RCAN1: variants seen among roughly 807,000 people sequenced by gnomAD.
The protein encoded by RCAN1 is regulator of calcineurin 1.
RCAN1 carries 11 observed loss-of-function variants against 22.9 expected under a neutral mutation model. That is an observed-to-expected ratio of 0.48 (90% CI 0.30 to 0.79). The LOEUF (loss-of-function observed/expected upper bound fraction) is 0.79, where lower values mean the gene tolerates loss of function less well. Among genes scored for constraint, RCAN1 ranks in the 30% least tolerant of loss-of-function variants. The pLI, the probability that RCAN1 is intolerant of heterozygous loss-of-function variation, is 0.06. For missense variants in RCAN1, 291 were observed against 337.8 expected (o/e 0.86, Z 1.09); for synonymous variants, 136 against 142.3 (o/e 0.96, Z 0.32).
chr21:34,526,821 C>CT lies in RCAN1; in HGVS notation c.253-3112dup. The CT allele has an allele frequency of 1.9e-6, 3 of 1,541,830 alleles. No homozygotes were observed. The South Asian group carries it at 3.7e-5, about 19-fold the overall frequency. On this transcript the variant is annotated intron_variant, in intron 1 of 3. Transcript: ENST00000313806. The stretch of plus-strand genomic sequence containing the variant: ...CCTAGTGAGATTCCTTTCCAAGAGG[C>CT]TGTAGGTTCCTTCTTGAGCTGGTGC...
Position 34,602,587 on chromosome 21 carries a change from C to T in RCAN1, c.252+12173G>A, listed in dbSNP as rs926080886. On this transcript the variant is annotated intron_variant, in intron 1 of 3. Coordinates refer to ENST00000313806, the MANE Select transcript of RCAN1 (RefSeq NM_004414.7). ...GATTGCGGACCAGACCACCTGAGATCTACAGGTTGGGATGCATGTGAGGGA... is the reference window on the plus strand; with the variant it reads ...GATTGCGGACCAGACCACCTGAGATTTACAGGTTGGGATGCATGTGAGGGA... Among the ~76,000 whole-genome samples the T allele has an allele frequency of 2.6e-5, 4 of 152,176 alleles. No homozygotes were observed. The East Asian group carries it at 7.7e-4, about 29-fold the overall frequency.
chr21:34,607,412 CAG>C (rs1306562861), intron 1 of RCAN1, among the ~76,000 whole-genome samples: 1 of 150,516 alleles, frequency 6.6e-6, no homozygotes, highest in Non-Finnish European at 1.5e-5. Flanking sequence ...TTTTTTGAGA[CAG>C]AGTCTTGCTC....
At chr21:34,574,359 A>G (rs1382371255) in intron 1 of RCAN1, among the ~76,000 whole-genome samples, 1 of 152,240 alleles carries the variant, frequency 6.6e-6, no homozygotes. Context: ...TATTTTCAAG[A>G]AATCAGACAA....
intron 2 of RCAN1, 116 bp from the exon 3 acceptor site, chr21:34,521,774 G>T: frequency 1.2e-6 from 1 of 824,666 alleles, no homozygotes; most frequent in Non-Finnish European, 1.9e-6. Context: ...CGTCAGGACA[G>T]GTGTGATTCC....
At chr21:34,563,770 A>ATAT (rs1491234478) in intron 1 of RCAN1, among the ~76,000 whole-genome samples, 134 of 65,342 alleles carry the variant, frequency 2.1e-3, no homozygotes, top group Non-Finnish European at 2.4e-3. Context: ...AAAAAAAAAA[A>ATAT]ATATATATAT....
At chr21:34,533,959 G>A (rs947059014) in intron 1 of RCAN1, among the ~76,000 whole-genome samples, 1 of 152,200 alleles carries the variant, frequency 6.6e-6, no homozygotes, top group Admixed American at 6.5e-5. Context: ...TGCGGAGGAG[G>A]GTCATGGAGA....
intron 1 of RCAN1, among the ~76,000 whole-genome samples, chr21:34,543,385 T>G (rs944157259): frequency 3.9e-5 from 6 of 152,088 alleles, no homozygotes; most frequent in Non-Finnish European, 8.8e-5. Flanking sequence ...TCGAGTGATA[T>G]GGGGCCATGA....
chr21:34,566,840 G>C (rs1987025720), intron 1 of RCAN1, among the ~76,000 whole-genome samples: 1 of 152,184 alleles, frequency 6.6e-6, no homozygotes, highest in African/African-American at 2.4e-5. Flanking sequence ...AAGAGCGAGA[G>C]AGGAGGAGGT....
intron 1 of RCAN1, among the ~76,000 whole-genome samples, chr21:34,602,104 T>A (rs965532162): frequency 8.5e-5 from 13 of 152,154 alleles, no homozygotes; most frequent in Non-Finnish European, 1.6e-4. Context: ...ATTTTCTGAG[T>A]ATCTCCTGTC....
intron 1 of RCAN1, among the ~76,000 whole-genome samples, chr21:34,576,407 C>T (rs1364483170): frequency 6.6e-6 from 1 of 152,146 alleles, no homozygotes; most frequent in Non-Finnish European, 1.5e-5. Flanking sequence ...GAACCCAGGA[C>T]AAGAGAAAAA....
At chr21:34,579,693 T>A (rs1050304769) in intron 1 of RCAN1, among the ~76,000 whole-genome samples, 3 of 152,196 alleles carry the variant, frequency 2.0e-5, no homozygotes, top group Non-Finnish European at 4.4e-5. Context: ...GAATCACTCT[T>A]AGGCTTTATA....
At chr21:34,601,605 T>G (rs1353812158) in intron 1 of RCAN1, among the ~76,000 whole-genome samples, 3 of 152,014 alleles carry the variant, frequency 2.0e-5, no homozygotes, top group Admixed American at 6.6e-5. Context: ...GATCACGAGG[T>G]CAGGAGATCG....
intron 1 of RCAN1, among the ~76,000 whole-genome samples, chr21:34,566,146 C>T (rs143552004): frequency 5.4e-4 from 82 of 152,256 alleles, no homozygotes; most frequent in East Asian, 4.2e-3. Flanking sequence ...CCTTTTCCTG[C>T]GAGTAGGTAG....
chr21:34,558,898 C>T (rs1017696593), intron 1 of RCAN1, among the ~76,000 whole-genome samples: 20 of 152,196 alleles, frequency 1.3e-4, no homozygotes, highest in African/African-American at 4.8e-4. Flanking sequence ...CCGGAAAGAA[C>T]ACAATCATGG....
At chr21:34,592,817 C>T (rs1454464957) in intron 1 of RCAN1, among the ~76,000 whole-genome samples, 6 of 152,156 alleles carry the variant, frequency 3.9e-5, no homozygotes, top group African/African-American at 1.4e-4. Context: ...TCGTGATTAA[C>T]TCAGAGATAT....
chr21:34,567,784 G>A (rs968815608), intron 1 of RCAN1, among the ~76,000 whole-genome samples: 2 of 152,142 alleles, frequency 1.3e-5, no homozygotes, highest in African/African-American at 2.4e-5. Flanking sequence ...CCCACTTGTC[G>A]CTGCTGTTGA....
At position 34,614,563 on chromosome 21, in the gene RCAN1, G is replaced by T; in HGVS notation, c.252+197C>A. 1.0e-6 allele frequency: 1 copy of T among 990,050 alleles called. No individual in the cohort carries two copies. The highest frequency in any genetic ancestry group is 1.2e-6 in the Non-Finnish European group (1 of 807,988). The allele number at this position is 990,050 out of a possible 1,614,324, so 61.3% of individuals were successfully genotyped here. A position where few individuals can be genotyped will look rare whatever the true frequency, so the allele number is the denominator to read the frequency against. On this transcript the variant is annotated intron_variant, in intron 1 of 3. Coordinates refer to ENST00000313806, the MANE Select transcript of RCAN1 (RefSeq NM_004414.7). This position sits in a 1 kb window ranked among gnomAD's most constrained non-coding sequence, Gnocchi z 6.0. ...CTGCAGTGAGCTCCGCGCGCCCCGG[G>T]GGTGCTAGGGGACCGGGACCCTCGG... is the stretch of plus-strand genomic sequence containing the variant.
intron 1 of RCAN1, among the ~76,000 whole-genome samples, chr21:34,603,804 T>A (rs929304010): frequency 9.8e-5 from 15 of 152,344 alleles, no homozygotes; most frequent in African/African-American, 3.6e-4. Flanking sequence ...AAGTGGTAAG[T>A]GCTAAGTAAA....
intron 1 of RCAN1, among the ~76,000 whole-genome samples, chr21:34,533,048 C>T (rs1231064567): frequency 6.6e-6 from 1 of 151,664 alleles, no homozygotes; most frequent in Non-Finnish European, 1.5e-5. Context: ...GCAAGCTCCG[C>T]CTCCCGGGTT....
Sources: gnomAD v4.1 joint callset for allele counts (sites outside exome capture counted in the v4.1 genomes callset) on GRCh38, gnomAD v4.1.1 for gene constraint, Gnocchi (gnomAD v3.1) non-coding constraint, MANE v1.5 for transcripts, NCBI Gene and HGNC (gene_info 2026-07-23, HGNC 2026-07-21) for gene names.